The following CEP15 variants were observed in gnomAD, a reference collection of about 807,000 sequenced individuals.
CEP15 encodes centrosomal protein 15.
chr3:62,331,058 A>G, the CEP15 span, among the ~76,000 whole-genome samples: 1 of 152,242 alleles, frequency 6.6e-6, no homozygotes, highest in South Asian at 2.1e-4. Context: ...TGAATTACTG[A>G]CATTTACTAG....
At chr3:62,321,314 T>G in the CEP15 span, among the ~76,000 whole-genome samples, 7 of 152,230 alleles carry the variant, frequency 4.6e-5, no homozygotes, top group Admixed American at 3.3e-4. This position sits in a 1 kb window ranked among gnomAD's most constrained non-coding sequence, Gnocchi z 4.1. Context: ...TACTTGTAAT[T>G]TTTTACATCT....
chr3:62,320,454 T>A, the CEP15 span: 1 of 1,608,572 alleles, frequency 6.2e-7, no homozygotes, highest in South Asian at 1.1e-5. Context: ...TTATTCTTTA[T>A]GACAGCTTTG....
At chr3:62,321,896 T>C in the CEP15 span, 5 of 1,513,860 alleles carry the variant, frequency 3.3e-6, no homozygotes, top group Non-Finnish European at 4.5e-6. The surrounding 1 kb of genome is among the most constrained non-coding windows in gnomAD (Gnocchi z 4.1). Flanking sequence ...GCTTTTACTT[T>C]TTTAACTCTA....
the CEP15 span, chr3:62,322,243 A>G: frequency 1.9e-6 from 1 of 530,574 alleles, no homozygotes; most frequent in African/African-American, 2.0e-5. The surrounding 1 kb of genome is among the most constrained non-coding windows in gnomAD (Gnocchi z 5.5). Flanking sequence ...TTTAAATTAA[A>G]AAAATTGAAC....
At chr3:62,330,776 TACTG>T in the CEP15 span, among the ~76,000 whole-genome samples, 1 of 152,168 alleles carries the variant, frequency 6.6e-6, no homozygotes, top group Admixed American at 6.5e-5. Flanking sequence ...TGAGGTATCT[TACTG>T]AGCTTCCATA....
At chr3:62,335,061 G>A in the CEP15 span, 4 of 151,998 alleles carry the variant, frequency 2.6e-5, no homozygotes, top group African/African-American at 9.7e-5. Context: ...TGTGTCAAGC[G>A]AGTAGGCAAA....
At chr3:62,319,072 A>G in the CEP15 span, 1 of 152,262 alleles carries the variant, frequency 6.6e-6, no homozygotes, top group Non-Finnish European at 1.5e-5. Context: ...GGAGTCGGAC[A>G]GTGGGTGGGT....
At chr3:62,323,621 T>C in the CEP15 span, among the ~76,000 whole-genome samples, 1 of 152,214 alleles carries the variant, frequency 6.6e-6, no homozygotes. Context: ...AAGATTCATT[T>C]GCTATTTAGA....
the CEP15 span, among the ~76,000 whole-genome samples, chr3:62,324,560 G>C: frequency 6.6e-6 from 1 of 152,074 alleles, no homozygotes; most frequent in African/African-American, 2.4e-5. Flanking sequence ...GACCTGCTTT[G>C]GGTCAAAGCC....
chr3:62,324,722 G>A, the CEP15 span, among the ~76,000 whole-genome samples: 2 of 152,032 alleles, frequency 1.3e-5, no homozygotes, highest in Non-Finnish European at 2.9e-5. Flanking sequence ...TTACATCTAG[G>A]ACAGGTACTT....
At chr3:62,334,520 G>A in the CEP15 span, 1 of 152,196 alleles carries the variant, frequency 6.6e-6, no homozygotes, top group East Asian at 1.9e-4. This position sits in a 1 kb window ranked among gnomAD's most constrained non-coding sequence, Gnocchi z 4.9. Flanking sequence ...CATAATATGT[G>A]CTGGCAGATT....
chr3:62,331,237 A>T, the CEP15 span: 1 of 1,103,820 alleles, frequency 9.1e-7, no homozygotes, highest in Non-Finnish European at 1.4e-6. Flanking sequence ...AGTTGAGGTG[A>T]GAGATTTGGG....
chr3:62,322,240 T>TA, the CEP15 span: 30 of 538,786 alleles, frequency 5.6e-5, no homozygotes, highest in South Asian at 2.7e-4. The surrounding 1 kb of genome is among the most constrained non-coding windows in gnomAD (Gnocchi z 5.5). Context: ...TTTTTTAAAT[T>TA]AAAAAAATTG....
chr3:62,322,754 T>C, the CEP15 span, among the ~76,000 whole-genome samples: 10 of 152,358 alleles, frequency 6.6e-5, no homozygotes, highest in African/African-American at 2.2e-4. This position sits in a 1 kb window ranked among gnomAD's most constrained non-coding sequence, Gnocchi z 5.5. Context: ...GTAGTAAGAC[T>C]ATATTATTTA....
the CEP15 span, chr3:62,333,439 A>C: frequency 1.3e-6 from 2 of 1,567,474 alleles, no homozygotes; most frequent in Non-Finnish European, 1.7e-6. The surrounding 1 kb of genome is among the most constrained non-coding windows in gnomAD (Gnocchi z 4.0). Context: ...CTGAATGTTA[A>C]GGTGTATGTA....
the CEP15 span, chr3:62,319,706 CT>C: frequency 6.6e-6 from 1 of 152,342 alleles, no homozygotes; most frequent in Middle Eastern, 3.4e-3. Flanking sequence ...TTTTATTCCT[CT>C]TTTTCTCCCT....
At chr3:62,326,178 A>G in the CEP15 span, among the ~76,000 whole-genome samples, 1 of 152,150 alleles carries the variant, frequency 6.6e-6, no homozygotes, top group Non-Finnish European at 1.5e-5. Flanking sequence ...GGAAGCCTTT[A>G]TGGGGCAGTT....
At chr3:62,333,367 T>C in the CEP15 span, 82 of 1,610,928 alleles carry the variant, frequency 5.1e-5, no homozygotes, top group Non-Finnish European at 6.6e-5. This position sits in a 1 kb window ranked among gnomAD's most constrained non-coding sequence, Gnocchi z 4.0. Context: ...GAAAATACCA[T>C]TCAAAATGAG....
At chr3:62,323,354 A>C in the CEP15 span, among the ~76,000 whole-genome samples, 2 of 152,218 alleles carry the variant, frequency 1.3e-5, no homozygotes, top group African/African-American at 2.4e-5. Flanking sequence ...AGCTAAGCCT[A>C]GCCTGTGTTT....
Sources: gnomAD v4.1 joint callset for allele counts (sites outside exome capture counted in the v4.1 genomes callset) on GRCh38, gnomAD v4.1.1 for gene constraint, Gnocchi (gnomAD v3.1) non-coding constraint, MANE v1.5 for transcripts, NCBI Gene and HGNC (gene_info 2026-07-23, HGNC 2026-07-21) for gene names.